ARMH4: variants seen among roughly 807,000 people sequenced by gnomAD.
ARMH4 encodes armadillo-like helical domain-containing protein 4.
A neutral mutation model predicts 61.9 loss-of-function variants in ARMH4; 49 were observed. That is an observed-to-expected ratio of 0.79 (90% CI 0.63 to 1.00). The LOEUF (loss-of-function observed/expected upper bound fraction) is 1.00. Among genes scored for constraint, ARMH4 ranks in the 50% least tolerant of loss-of-function variants. The pLI is 0.00. For synonymous variants in ARMH4, 368 were observed against 341.5 expected, an observed-to-expected ratio of 1.08 and a Z score of -0.85; for missense variants, 934 against 930.0, an observed-to-expected ratio of 1.00 and a Z score of -0.06.
intron 5 of ARMH4, among the ~76,000 whole-genome samples, chr14:58,032,361 T>C (rs1427315044): frequency 1.3e-5 from 2 of 152,232 alleles, no homozygotes; most frequent in African/African-American, 2.4e-5. Flanking sequence ...TGGACTCATA[T>C]AAATAATGTA....
intron 4 of ARMH4, among the ~76,000 whole-genome samples, chr14:58,127,156 C>A (rs909161119): frequency 6.6e-6 from 1 of 152,116 alleles, no homozygotes; most frequent in Non-Finnish European, 1.5e-5. Context: ...TTCATAAGGT[C>A]TATAATAAGC....
chr14:58,092,039 A>C (rs1026329132), intron 5 of ARMH4, among the ~76,000 whole-genome samples: 2 of 152,266 alleles, frequency 1.3e-5, no homozygotes, highest in Non-Finnish European at 1.5e-5. Flanking sequence ...TGCCTTAGAA[A>C]GTCATCTATG....
chr14:58,111,445 T>C (rs749592449), intron 4 of ARMH4, among the ~76,000 whole-genome samples: 4 of 152,186 alleles, frequency 2.6e-5, no homozygotes, highest in Non-Finnish European at 4.4e-5. Flanking sequence ...AGGGACAACT[T>C]GATTGTGTTA....
chr14:58,139,096 T>C lies in ARMH4; in HGVS notation c.263A>G (p.Lys88Arg). The change falls in exon 2 of 8, where the codon AAA becomes AGA. Residue 88 changes from lysine (K) to arginine (R), a missense_variant. Lys to Arg is a conservative substitution (Grantham distance 26). Transcript: ENST00000267485. ...SAVPSATSLN[K>R]AFSINKETQP... is the part of the protein sequence containing the mutation. ...GGTTTCTTTGTTAATCGAGAATGCT[T>C]TATTTAATGATGTTGCCGATGGTAC... is the stretch of plus-strand genomic sequence containing the variant. 6.2e-7 allele frequency: 1 copy of C among 1,614,240 alleles called. No homozygotes were observed. Among genetic ancestry groups the C allele is most frequent in the Non-Finnish European group, 8.5e-7 (1 of 1,180,038 alleles).
intron 3 of ARMH4, 48 bp downstream of exon 3, chr14:58,133,041 CA>C (rs1263930253): frequency 6.2e-7 from 1 of 1,602,326 alleles, no homozygotes; most frequent in Admixed American, 1.7e-5. Context: ...GTCCACTTAA[CA>C]GAAGAGATCC....
intron 1 of ARMH4, among the ~76,000 whole-genome samples, chr14:58,148,982 T>C (rs767832010): frequency 1.3e-5 from 2 of 152,154 alleles, no homozygotes; most frequent in African/African-American, 2.4e-5. Context: ...GATTCTCTGA[T>C]GAGGGGGATA....
At chr14:58,043,143 C>T (rs899914853) in intron 5 of ARMH4, among the ~76,000 whole-genome samples, 9 of 152,080 alleles carry the variant, frequency 5.9e-5, no homozygotes, top group African/African-American at 2.2e-4. Flanking sequence ...CTGGCAGAGA[C>T]ACGACAAAAA....
Position 58,005,117 on chromosome 14 carries a change from C to T in ARMH4, c.2187G>A (p.Leu729=), listed in dbSNP as rs1256214299. The T allele has an allele frequency of 6.2e-7, 1 of 1,613,850 alleles. No homozygotes were observed. Among genetic ancestry groups the T allele is most frequent in the Non-Finnish European group, 8.5e-7 (1 of 1,179,954 alleles). The change falls in exon 7 of 8, where the codon TTG becomes TTA. Residue 729 remains leucine, a synonymous_variant. Transcript: ENST00000267485. ...TAACCTTAATGCTGTAGAGGGCTCC[C>T]AAGATGAACAAGGCTCCAGCTATCC... ...GVGIAGALFI[L]GALYSIKVMN...
intron 4 of ARMH4, among the ~76,000 whole-genome samples, chr14:58,112,251 C>A (rs1594763939): frequency 2.0e-5 from 3 of 147,212 alleles, no homozygotes; most frequent in Non-Finnish European, 4.5e-5. Context: ...GTGTTTGTTA[C>A]TTTATTTTTT....
intron 5 of ARMH4, among the ~76,000 whole-genome samples, chr14:58,091,518 T>C (rs1265230672): frequency 1.3e-5 from 2 of 152,312 alleles, no homozygotes; most frequent in East Asian, 3.9e-4. Flanking sequence ...CTATAATCTA[T>C]AACTGAAGGC....
At chr14:58,072,118 G>A (rs1328697429) in intron 5 of ARMH4, among the ~76,000 whole-genome samples, 3 of 152,144 alleles carry the variant, frequency 2.0e-5, no homozygotes, top group Admixed American at 6.5e-5. Flanking sequence ...CCCCACCAGA[G>A]AGTAAGCTCC....
chr14:58,137,316 G>A (rs909826877), intron 2 of ARMH4, among the ~76,000 whole-genome samples: 3 of 152,154 alleles, frequency 2.0e-5, no homozygotes, highest in African/African-American at 7.2e-5. Context: ...TGTCCCCTGG[G>A]GGAAGGGGAA....
At chr14:58,060,803 TG>T (rs1288169363) in intron 5 of ARMH4, among the ~76,000 whole-genome samples, 1 of 152,186 alleles carries the variant, frequency 6.6e-6, no homozygotes, top group African/African-American at 2.4e-5. Flanking sequence ...TCACGGTGTA[TG>T]TACAGCAAAT....
intron 5 of ARMH4, among the ~76,000 whole-genome samples, chr14:58,014,900 G>A (rs1041985972): frequency 7.2e-5 from 11 of 152,090 alleles, no homozygotes; most frequent in African/African-American, 2.7e-4. Context: ...GACTCAGTTG[G>A]GTATTATACA....
rs181725504 is a variant in ARMH4 at position 58,053,259 on chromosome 14, A to G, written c.2090-41109T>C. ...TTTAAAATTCAAGGAGAACATTAGC[A>G]TATGTGCTATTCTATCCTATTTTAT... On this transcript the variant is annotated intron_variant, in intron 5 of 7. Coordinates refer to ENST00000267485, the MANE Select transcript of ARMH4 (RefSeq NM_001001872.4). 5.4e-4 allele frequency among the ~76,000 whole-genome samples: 83 copies of G among 152,334 alleles called. 1 individual carries two copies. The highest frequency in any genetic ancestry group is 1.3e-3 in the Admixed American group (20 of 15,304).
intron 5 of ARMH4, among the ~76,000 whole-genome samples, chr14:58,092,615 AGTTTCCTT>A (rs1885608307): frequency 6.6e-6 from 1 of 152,134 alleles, no homozygotes; most frequent in African/African-American, 2.4e-5. Context: ...GAGGAGAATC[AGTTTCCTT>A]GCCTTTTCCA....
At chr14:58,101,742 T>C (rs954171708) in intron 4 of ARMH4, among the ~76,000 whole-genome samples, 4 of 151,974 alleles carry the variant, frequency 2.6e-5, no homozygotes, top group South Asian at 2.1e-4. Flanking sequence ...GCAGTGAGGA[T>C]TGTGAAAAGC....
intron 5 of ARMH4, among the ~76,000 whole-genome samples, chr14:58,059,848 C>T (rs59897616): frequency 0.014 from 2,081 of 152,224 alleles, 41 homozygotes; most frequent in African/African-American, 0.044. Flanking sequence ...CTAGACACTG[C>T]GTTATATGTG....
At chr14:58,105,575 T>TACTC (rs1886142796) in intron 4 of ARMH4, among the ~76,000 whole-genome samples, 1 of 151,464 alleles carries the variant, frequency 6.6e-6, no homozygotes, top group Admixed American at 6.6e-5. Context: ...TAGTCCCAGC[T>TACTC]ACTCAAGAAG....
Sources: gnomAD v4.1 joint callset for allele counts (sites outside exome capture counted in the v4.1 genomes callset) on GRCh38, gnomAD v4.1.1 for gene constraint, MANE v1.5 for transcripts, NCBI Gene and HGNC (gene_info 2026-07-23, HGNC 2026-07-21) for gene names.